The following SPAG1 variants were observed in gnomAD, a reference collection of about 807,000 sequenced individuals.
SPAG1 encodes the protein sperm associated antigen 1.
A neutral mutation model predicts 100.5 loss-of-function variants in SPAG1; 69 were observed. That is an observed-to-expected ratio of 0.69 (90% CI 0.57 to 0.84). The LOEUF (loss-of-function observed/expected upper bound fraction) is 0.84, where lower values mean the gene tolerates loss of function less well. Among genes scored for constraint, SPAG1 ranks in the 40% least tolerant of loss-of-function variants. The probability of loss-of-function intolerance (pLI) is 0.00; values close to 1 mark genes in which losing one functional copy is unlikely to be tolerated. For missense variants in SPAG1, 955 were observed against 1,133.1 expected, an observed-to-expected ratio of 0.84 and a Z score of 2.26; for synonymous variants, 336 against 411.6, an observed-to-expected ratio of 0.82 and a Z score of 2.22.
intron 4 of SPAG1, among the ~76,000 whole-genome samples, chr8:100,181,737 A>G (rs1377421508): frequency 6.6e-6 from 1 of 152,144 alleles, no homozygotes; most frequent in Non-Finnish European, 1.5e-5. Context: ...CTCTTTGTAT[A>G]AGGACACAGT....
chr8:100,199,742 C>A (rs1438189463), intron 10 of SPAG1, among the ~76,000 whole-genome samples: 2 of 152,194 alleles, frequency 1.3e-5, no homozygotes, highest in Non-Finnish European at 2.9e-5. Context: ...CCACTGCGCT[C>A]AGCCTCTTTG....
chr8:100,182,466 C>A (rs1048784561), intron 4 of SPAG1, among the ~76,000 whole-genome samples: 1 of 152,098 alleles, frequency 6.6e-6, no homozygotes, highest in Non-Finnish European at 1.5e-5. Context: ...GGTGATGTTT[C>A]CTGCCACATG....
intron 16 of SPAG1, among the ~76,000 whole-genome samples, chr8:100,235,840 G>A (rs952988939): frequency 1.3e-5 from 2 of 151,928 alleles, no homozygotes; most frequent in African/African-American, 4.8e-5. Context: ...CCTCCCCGCC[G>A]GCCCTCTTTT....
intron 3 of SPAG1, among the ~76,000 whole-genome samples, chr8:100,172,654 GTGTGTGTGTGTGTA>G (rs1465294162): frequency 1.3e-5 from 2 of 151,548 alleles, no homozygotes; most frequent in Non-Finnish European, 2.9e-5. Context: ...GTGTGTGTGT[GTGTGTGTGTGTGTA>G]TGTGTGTGTG....
chr8:100,164,690 G>T (rs1815471717), intron 2 of SPAG1, among the ~76,000 whole-genome samples: 1 of 152,190 alleles, frequency 6.6e-6, no homozygotes, highest in South Asian at 2.1e-4. Context: ...CTCCCAAAGT[G>T]CTGGGAATAC....
At chr8:100,216,978 C>T (rs183413769) in intron 12 of SPAG1, among the ~76,000 whole-genome samples, 146 of 135,288 alleles carry the variant, frequency 1.1e-3, no homozygotes, top group African/African-American at 3.5e-3. Flanking sequence ...GCTCTGTCCC[C>T]GAGGCTGGAG....
chr8:100,214,599 C>A (rs550244383), intron 12 of SPAG1, among the ~76,000 whole-genome samples: 1 of 152,146 alleles, frequency 6.6e-6, no homozygotes, highest in Non-Finnish European at 1.5e-5. Flanking sequence ...AGGTTAGGAA[C>A]CATGTCTTTT....
chr8:100,224,593 G>GA (rs1015171731), intron 13 of SPAG1, among the ~76,000 whole-genome samples: 18 of 152,076 alleles, frequency 1.2e-4, no homozygotes, highest in African/African-American at 4.1e-4. Flanking sequence ...TTATAGAGAT[G>GA]AAAAAAATAC....
chr8:100,170,841 A>T (rs71506341), intron 3 of SPAG1, among the ~76,000 whole-genome samples: 121 of 90,984 alleles, frequency 1.3e-3, no homozygotes, highest in African/African-American at 3.6e-3. Context: ...TTATTTATTT[A>T]TTTATTTATT....
At chr8:100,216,739 A>T (rs1338270146) in intron 12 of SPAG1, among the ~76,000 whole-genome samples, 2 of 152,242 alleles carry the variant, frequency 1.3e-5, no homozygotes, top group East Asian at 3.9e-4. Context: ...GTGATTTTAC[A>T]CTAAAGCAGT....
intron 7 of SPAG1, among the ~76,000 whole-genome samples, chr8:100,185,515 G>A (rs1197543764): frequency 6.6e-6 from 1 of 152,136 alleles, no homozygotes; most frequent in African/African-American, 2.4e-5. Context: ...ATTTGTAACA[G>A]CAGAACCCAT....
At chr8:100,218,679 ATCAC>A in intron 12 of SPAG1, among the ~76,000 whole-genome samples, 1 of 152,384 alleles carries the variant, frequency 6.6e-6, no homozygotes, top group East Asian at 1.9e-4. Flanking sequence ...TATCATTAAA[ATCAC>A]TCACAATCCT....
chr8:100,200,974 T>C (rs890585710), intron 10 of SPAG1, among the ~76,000 whole-genome samples: 9 of 152,180 alleles, frequency 5.9e-5, no homozygotes, highest in African/African-American at 2.2e-4. Context: ...AATTTTTTTT[T>C]TCAGAGCCCC....
At chr8:100,180,064 G>T (rs941911492) in intron 4 of SPAG1, among the ~76,000 whole-genome samples, 7 of 152,040 alleles carry the variant, frequency 4.6e-5, no homozygotes, top group African/African-American at 1.4e-4. Context: ...GCGGGCAGTG[G>T]CTCATGCCTG....
At chr8:100,231,323 T>G in intron 15 of SPAG1, 35 bp downstream of exon 15, 1 of 1,343,754 alleles carries the variant, frequency 7.4e-7, no homozygotes, top group South Asian at 1.5e-5. Context: ...TTTCTTATGT[T>G]AATAGTTTTG....
chr8:100,194,231 A>AGAT lies in SPAG1; in HGVS notation c.1059_1060insGAT (p.Lys353_Ser354insAsp). 1 of 1,603,828 alleles carries AGAT rather than the reference A, an allele frequency of 6.2e-7. No individual in the cohort carries two copies. The highest frequency in any genetic ancestry group is 2.2e-5 in the East Asian group (1 of 44,738). On this transcript the variant is annotated inframe_insertion, in exon 10 of 19. Transcript: ENST00000388798. ...AAAACTCCGAAGATGAAGAAGGAAA[A>AGAT]AGCGGAAGAAAACATGAAGATGGCG...
intron 10 of SPAG1, among the ~76,000 whole-genome samples, chr8:100,209,159 T>C (rs995057013): frequency 2.6e-5 from 4 of 152,194 alleles, no homozygotes; most frequent in African/African-American, 9.6e-5. Flanking sequence ...CTGTGCTGGG[T>C]GATTCCTGCC....
At chr8:100,207,321 A>G (rs1263439174) in intron 10 of SPAG1, among the ~76,000 whole-genome samples, 1 of 151,884 alleles carries the variant, frequency 6.6e-6, no homozygotes, top group Non-Finnish European at 1.5e-5. Context: ...CATGGTCTCC[A>G]CTCCTGCCAC....
In SPAG1 at chr8:100,221,098, A is replaced by G. The variant is rs541567047; in HGVS notation, c.1688+667A>G. ...CAAAAAAAAAAATTAAAATAAAATA[A>G]ATAAATCAGTACTAGCTATAGAATA... On this transcript the variant is annotated intron_variant, in intron 13 of 18. Transcript: ENST00000388798. Among the ~76,000 whole-genome samples the G allele has an allele frequency of 7.2e-5, 11 of 152,214 alleles. 1 individual carries two copies. In the South Asian group the frequency reaches 1.7e-3, roughly 23 times the overall value.
Sources: allele counts gnomAD v4.1 joint callset (sites outside exome capture counted in the v4.1 genomes callset), GRCh38; gene constraint gnomAD v4.1.1; transcripts MANE v1.5; gene names NCBI Gene and HGNC (gene_info 2026-07-23, HGNC 2026-07-21).